PRELID2: variants seen among roughly 807,000 people sequenced by gnomAD.
The protein encoded by PRELID2 is PRELI domain-containing protein 2.
In PRELID2, 25 loss-of-function variants were observed where a neutral mutation model predicts 28.4. That is an observed-to-expected ratio of 0.88 (90% CI 0.64 to 1.23). The LOEUF (loss-of-function observed/expected upper bound fraction) is 1.23. PRELID2 is among the 50% of genes most tolerant of loss of function. PRELID2 has a pLI of 0.00. For synonymous variants in PRELID2, 76 were observed against 71.6 expected (o/e 1.06, Z -0.31); for missense variants, 201 against 214.4 (o/e 0.94, Z 0.39).
At chr5:145,452,142 C>T in the PRELID2 span, among the ~76,000 whole-genome samples, 3 of 152,094 alleles carry the variant, frequency 2.0e-5, no homozygotes, top group Non-Finnish European at 4.4e-5. Flanking sequence ...TGACTCCAAC[C>T]TTGCCCCTTT....
chr5:145,296,314 T>C, the PRELID2 span, among the ~76,000 whole-genome samples: 1 of 151,676 alleles, frequency 6.6e-6, no homozygotes, highest in Non-Finnish European at 1.5e-5. Flanking sequence ...TAGCATTAGG[T>C]ATATCTCCTA....
intron 1 of PRELID2, among the ~76,000 whole-genome samples, chr5:145,642,792 T>C (rs1260172301): frequency 6.6e-6 from 1 of 152,240 alleles, no homozygotes; most frequent in Admixed American, 6.5e-5. Flanking sequence ...CCATTGCTTG[T>C]TTGTGTCAGG....
chr5:145,722,832 T>C (rs1414248307), intron 1 of PRELID2, among the ~76,000 whole-genome samples: 1 of 152,092 alleles, frequency 6.6e-6, no homozygotes, highest in Non-Finnish European at 1.5e-5. Context: ...AAAATACAGT[T>C]TACCAACATT....
At chr5:145,534,628 A>G (rs1157855416) in intron 1 of PRELID2, among the ~76,000 whole-genome samples, 1 of 152,010 alleles carries the variant, frequency 6.6e-6, no homozygotes. Context: ...AATGACAAGT[A>G]ATTAACTCAG....
chr5:145,300,767 T>G, the PRELID2 span, among the ~76,000 whole-genome samples: 5 of 151,204 alleles, frequency 3.3e-5, no homozygotes, highest in Non-Finnish European at 7.4e-5. Flanking sequence ...ATTTACGTGT[T>G]GTATTTTCTT....
the PRELID2 span, among the ~76,000 whole-genome samples, chr5:145,333,690 T>A: frequency 6.6e-6 from 1 of 152,100 alleles, no homozygotes; most frequent in Non-Finnish European, 1.5e-5. Context: ...AGTCAGTGAA[T>A]CTTAGCTTGC....
intron 1 of PRELID2, among the ~76,000 whole-genome samples, chr5:145,706,668 C>T (rs891868439): frequency 2.3e-4 from 35 of 152,164 alleles, no homozygotes; most frequent in Non-Finnish European, 4.7e-4. Context: ...TTCACTATCT[C>T]AGTGTCAGCA....
the PRELID2 span, among the ~76,000 whole-genome samples, chr5:145,392,691 GGAGA>G: frequency 6.6e-6 from 1 of 151,384 alleles, no homozygotes; most frequent in African/African-American, 2.4e-5. Context: ...GAGAGAGGGA[GGAGA>G]GAGAGAGAAA....
At chr5:145,495,588 C>T (rs1217416284) in intron 1 of PRELID2, among the ~76,000 whole-genome samples, 1 of 152,130 alleles carries the variant, frequency 6.6e-6, no homozygotes, top group Non-Finnish European at 1.5e-5. Flanking sequence ...ATATTAGTCT[C>T]CTAGATTTTC....
the PRELID2 span, among the ~76,000 whole-genome samples, chr5:145,314,744 G>T: frequency 2.0e-5 from 3 of 151,620 alleles, no homozygotes; most frequent in African/African-American, 7.3e-5. Flanking sequence ...TATAAATTAA[G>T]GTCAAGTTTT....
At chr5:145,539,216 A>C (rs2126669720) in intron 1 of PRELID2, among the ~76,000 whole-genome samples, 1 of 152,130 alleles carries the variant, frequency 6.6e-6, no homozygotes, top group Non-Finnish European at 1.5e-5. Context: ...TGGAGAATTT[A>C]TTACCAGCTA....
intron 1 of PRELID2, among the ~76,000 whole-genome samples, chr5:145,715,221 A>G (rs1489704579): frequency 6.6e-6 from 1 of 152,136 alleles, no homozygotes; most frequent in Non-Finnish European, 1.5e-5. Flanking sequence ...TATAAATAGC[A>G]TCTCCACTCA....
At chr5:145,495,898 T>C (rs1407628418) in intron 1 of PRELID2, among the ~76,000 whole-genome samples, 1 of 152,182 alleles carries the variant, frequency 6.6e-6, no homozygotes, top group African/African-American at 2.4e-5. Context: ...ATAAAAATTG[T>C]CTGTGTCCAT....
At chr5:145,605,613 T>C (rs1580997674) in intron 1 of PRELID2, among the ~76,000 whole-genome samples, 1 of 152,186 alleles carries the variant, frequency 6.6e-6, no homozygotes, top group East Asian at 1.9e-4. Flanking sequence ...ACATGATGGC[T>C]CTAGCTTTGT....
At chr5:145,619,041 T>C (rs1343593432) in intron 1 of PRELID2, among the ~76,000 whole-genome samples, 1 of 152,078 alleles carries the variant, frequency 6.6e-6, no homozygotes, top group Non-Finnish European at 1.5e-5. Flanking sequence ...ATACCCCCGC[T>C]AACAGCACTG....
At chr5:145,739,902 C>T (rs1756606218) in intron 1 of PRELID2, among the ~76,000 whole-genome samples, 1 of 149,758 alleles carries the variant, frequency 6.7e-6, no homozygotes, top group Non-Finnish European at 1.5e-5. Flanking sequence ...ATCCAAATAC[C>T]TAAAGAAAGT....
At chr5:145,428,083 G>T in the PRELID2 span, among the ~76,000 whole-genome samples, 2 of 151,862 alleles carry the variant, frequency 1.3e-5, no homozygotes, top group African/African-American at 4.8e-5. Flanking sequence ...CTCAGCATCC[G>T]GAGTAGCTGG....
chr5:145,388,107 A>T, the PRELID2 span, among the ~76,000 whole-genome samples: 3 of 152,156 alleles, frequency 2.0e-5, no homozygotes, highest in Non-Finnish European at 4.4e-5. Context: ...TGGTAGAAAC[A>T]TTACAAGAAC....
chr5:145,835,057 G>A (rs975544157), intron 1 of PRELID2, 120 bp downstream of exon 1: 2 of 691,498 alleles, frequency 2.9e-6, no homozygotes, highest in African/African-American at 3.7e-5. Flanking sequence ...CATCCCTGAA[G>A]CAAAGCCCGC....
Sources: gnomAD v4.1 joint callset for allele counts (sites outside exome capture counted in the v4.1 genomes callset) on GRCh38, gnomAD v4.1.1 for gene constraint, MANE v1.5 for transcripts, NCBI Gene and HGNC (gene_info 2026-07-23, HGNC 2026-07-21) for gene names.